Variants in CREB5 observed in about 807,000 individuals in gnomAD.
CREB5 encodes cyclic AMP-responsive element-binding protein 5.
CREB5 carries 19 observed loss-of-function variants against 57.1 expected under a neutral mutation model. The observed-to-expected ratio is 0.33, with a 90% CI of 0.23 to 0.49. The LOEUF (loss-of-function observed/expected upper bound fraction) is 0.49, where lower values mean the gene tolerates loss of function less well. Among genes scored for constraint, CREB5 ranks in the 20% least tolerant of loss-of-function variants. CREB5 has a pLI of 0.99. For synonymous variants in CREB5, 238 were observed against 238.3 expected, an observed-to-expected ratio of 1.00 and a Z score of 0.01; for missense variants, 579 against 671.6, an observed-to-expected ratio of 0.86 and a Z score of 1.52.
intron 2 of CREB5, among the ~76,000 whole-genome samples, chr7:28,492,219 C>T (rs1169574268): frequency 2.0e-5 from 3 of 152,166 alleles, no homozygotes; most frequent in East Asian, 1.9e-4. Flanking sequence ...AGGCTGGTCT[C>T]GAACTCCTGA....
At chr7:28,506,337 G>A (rs1792477661) in intron 3 of CREB5, among the ~76,000 whole-genome samples, 1 of 152,204 alleles carries the variant, frequency 6.6e-6, no homozygotes, top group South Asian at 2.1e-4. Context: ...ATGCAGGAAT[G>A]GCAAATTTGT....
intron 7 of CREB5, among the ~76,000 whole-genome samples, chr7:28,774,793 A>G (rs1276386278): frequency 6.6e-6 from 1 of 152,216 alleles, no homozygotes. Flanking sequence ...CTGCGACAGT[A>G]TGAGTTGTTT....
chr7:28,461,699 T>C (rs1790356523), intron 1 of CREB5, among the ~76,000 whole-genome samples: 1 of 152,176 alleles, frequency 6.6e-6, no homozygotes, highest in Non-Finnish European at 1.5e-5. Flanking sequence ...GTAAAACGAT[T>C]TCGTGAATGT....
At chr7:28,766,849 T>C (rs935106790) in intron 7 of CREB5, among the ~76,000 whole-genome samples, 1 of 152,204 alleles carries the variant, frequency 6.6e-6, no homozygotes, top group Non-Finnish European at 1.5e-5. Context: ...GGGATGATCG[T>C]GTGTCTTCAT....
At chr7:28,326,883 C>T (rs34106623) in intron 1 of CREB5, among the ~76,000 whole-genome samples, 32,131 of 152,000 alleles carry the variant, frequency 0.21, 3,492 homozygotes, top group Non-Finnish European at 0.24. Context: ...TGGCTCATGC[C>T]TGTAATCCCA....
At chr7:28,373,445 CTTT>C (rs10713296) in intron 1 of CREB5, among the ~76,000 whole-genome samples, 5 of 136,284 alleles carry the variant, frequency 3.7e-5, no homozygotes, top group Non-Finnish European at 4.8e-5. Flanking sequence ...TTTCTTTTTT[CTTT>C]TTTTTTTTTT....
intron 1 of CREB5, among the ~76,000 whole-genome samples, chr7:28,357,055 CCTCT>C (rs1323974794): frequency 6.6e-6 from 1 of 152,050 alleles, no homozygotes; most frequent in South Asian, 2.1e-4. Flanking sequence ...CACTCACTTT[CCTCT>C]TTCTTTTTTC....
chr7:28,809,311 G>A lies in CREB5; in HGVS notation c.1151G>A (p.Arg384Gln). The A allele has an allele frequency of 1.2e-6, 2 of 1,614,178 alleles. No individual in the cohort carries two copies. The highest frequency in any genetic ancestry group is 8.5e-7 in the Non-Finnish European group (1 of 1,180,036). Residue 384 changes from arginine (R) to glutamine (Q), a missense_variant, in exon 9 of 11, where the codon CGG (arginine) becomes CAG (glutamine). Around this residue, in one of 3 missense-constraint regions of CREB5, gnomAD observed 6 missense variants for 25.2 expected, o/e 0.24. Transcript: ENST00000357727. ...GAGAGGCGGCGGAAATTTCTGGAACGGAACCGGGCAGCTGCCACCCGCTGC... is the reference window on the plus strand; with the variant it reads ...GAGAGGCGGCGGAAATTTCTGGAACAGAACCGGGCAGCTGCCACCCGCTGC... Reference protein sequence around the residue: ...PDERRRKFLERNRAAATRCRQ... With the variant: ...PDERRRKFLEQNRAAATRCRQ...
intron 5 of CREB5, among the ~76,000 whole-genome samples, chr7:28,686,460 G>A (rs1800918850): frequency 6.7e-6 from 1 of 149,226 alleles, no homozygotes; most frequent in Non-Finnish European, 1.5e-5. Context: ...GTTGAACAGA[G>A]GCCGGGTTGG....
chr7:28,331,132 C>T (rs1785708777), intron 1 of CREB5, among the ~76,000 whole-genome samples: 1 of 152,114 alleles, frequency 6.6e-6, no homozygotes, highest in Non-Finnish European at 1.5e-5. Context: ...CCATTAATGA[C>T]CATAACATGG....
chr7:28,608,149 A>G (rs944590061), intron 5 of CREB5, among the ~76,000 whole-genome samples: 1 of 146,250 alleles, frequency 6.8e-6, no homozygotes, highest in Non-Finnish European at 1.5e-5. Flanking sequence ...ACACACACAC[A>G]CACACACTCT....
upstream of CREB5, among the ~76,000 whole-genome samples, chr7:28,411,376 A>G (rs1178494307): frequency 2.0e-5 from 3 of 152,162 alleles, 1 homozygote; most frequent in Non-Finnish European, 4.4e-5. Context: ...CTAAACTTCC[A>G]TACAATAAAT....
intron 1 of CREB5, among the ~76,000 whole-genome samples, chr7:28,464,200 T>A (rs1283572012): frequency 6.6e-6 from 1 of 152,210 alleles, no homozygotes; most frequent in African/African-American, 2.4e-5. Context: ...TGGTATATAA[T>A]CCTTTTTATA....
intron 7 of CREB5, among the ~76,000 whole-genome samples, chr7:28,761,864 A>AT (rs1280958332): frequency 6.6e-6 from 1 of 152,178 alleles, no homozygotes; most frequent in East Asian, 1.9e-4. Context: ...TTCCTTAAAT[A>AT]TTTAAATCAT....
intron 1 of CREB5, among the ~76,000 whole-genome samples, chr7:28,300,278 G>C (rs973792673): frequency 3.3e-5 from 5 of 151,990 alleles, no homozygotes; most frequent in Non-Finnish European, 7.4e-5. Flanking sequence ...TGACTGAATG[G>C]GCTGTGAGAA....
intron 5 of CREB5, among the ~76,000 whole-genome samples, chr7:28,572,300 A>T (rs887985837): frequency 6.6e-6 from 1 of 152,220 alleles, no homozygotes. Flanking sequence ...AAAGGAGTCA[A>T]TGCTAGGTTG....
intron 1 of CREB5, among the ~76,000 whole-genome samples, chr7:28,450,917 G>A (rs1789764145): frequency 6.6e-6 from 1 of 152,202 alleles, no homozygotes; most frequent in East Asian, 1.9e-4. Flanking sequence ...AATGTGGTGA[G>A]TATCCACCAT....
At chr7:28,515,581 A>T (rs999218791) in intron 4 of CREB5, among the ~76,000 whole-genome samples, 1 of 150,726 alleles carries the variant, frequency 6.6e-6, no homozygotes, top group Non-Finnish European at 1.5e-5. Flanking sequence ...ACCATGCCCG[A>T]CTCCCCTGGT....
chr7:28,713,193 T>C (rs554263670), intron 5 of CREB5, among the ~76,000 whole-genome samples: 3 of 152,290 alleles, frequency 2.0e-5, no homozygotes, highest in Admixed American at 6.5e-5. Context: ...GCTGGGACTA[T>C]GCCTGGCTAC....
Sources: allele counts gnomAD v4.1 joint callset (sites outside exome capture counted in the v4.1 genomes callset), GRCh38; gene constraint gnomAD v4.1.1; regional missense constraint gnomAD v4.1.1; transcripts MANE v1.5; gene names NCBI Gene and HGNC (gene_info 2026-07-23, HGNC 2026-07-21).